The following LRMDA variants were observed in gnomAD, a reference collection of about 807,000 sequenced individuals.
LRMDA encodes the protein leucine rich melanocyte differentiation associated.
In LRMDA, 18 loss-of-function variants were observed where a neutral mutation model predicts 29.8. That is an observed-to-expected ratio of 0.60 (90% confidence interval 0.42 to 0.90). The LOEUF is 0.90. Ranked by LOEUF, LRMDA falls within the 40% of genes least tolerant of loss-of-function variation. LRMDA has a pLI of 0.00. For missense variants in LRMDA, 273 were observed against 273.9 expected (o/e 1.00, Z 0.02); for synonymous variants, 125 against 109.4 (o/e 1.14, Z -0.89).
rs147641635 is a variant in LRMDA at position 75,933,935 on chromosome 10, T to G, written c.132-102073T>G. Reference sequence around the variant, plus strand: ...CAGCCATGTCCAGCTGTAAAGGTAATATACTGCACAGCTGTAAACAGCATC... The same window carrying G: ...CAGCCATGTCCAGCTGTAAAGGTAAGATACTGCACAGCTGTAAACAGCATC... On this transcript the variant is annotated intron_variant, in intron 2 of 6. Coordinates refer to ENST00000611255, the MANE Select transcript of LRMDA (RefSeq NM_001305581.2). 3.9e-3 allele frequency among the ~76,000 whole-genome samples: 589 copies of G among 152,312 alleles called. 4 individuals are homozygous for G. Among genetic ancestry groups the G allele is most frequent in the Middle Eastern group, 0.014 (4 of 294 alleles).
At chr10:76,080,643 G>A (rs139599379) in intron 5 of LRMDA, among the ~76,000 whole-genome samples, 4 of 152,334 alleles carry the variant, frequency 2.6e-5, no homozygotes, top group Non-Finnish European at 5.9e-5. Context: ...TGTCTCAGGA[G>A]CTGACTCATG....
At chr10:75,943,155 T>C (rs2132411983) in intron 2 of LRMDA, among the ~76,000 whole-genome samples, 1 of 149,734 alleles carries the variant, frequency 6.7e-6, no homozygotes, top group East Asian at 2.0e-4. Flanking sequence ...CACCCACTGA[T>C]GTTTTCAGCA....
intron 6 of LRMDA, among the ~76,000 whole-genome samples, chr10:76,377,396 AT>A (rs1208965380): frequency 9.2e-5 from 14 of 152,088 alleles, no homozygotes; most frequent in Admixed American, 2.0e-4. Flanking sequence ...AAGCTTTTTA[AT>A]TAAATCCCAT....
chr10:75,805,498 G>A (rs899487487), intron 2 of LRMDA, among the ~76,000 whole-genome samples: 3 of 152,180 alleles, frequency 2.0e-5, no homozygotes, highest in African/African-American at 7.2e-5. Context: ...CCTGAGTTGG[G>A]CAATGAATTT....
In LRMDA at chr10:75,956,420, T is replaced by C. The variant is rs977277664; in HGVS notation, c.132-79588T>C. Among the ~76,000 whole-genome samples, 9 of 152,314 alleles carry C rather than the reference T, an allele frequency of 5.9e-5. No individual in the cohort carries two copies. The East Asian group carries it at 1.7e-3, about 29-fold the overall frequency. On this transcript the variant is annotated intron_variant, in intron 2 of 6. Coordinates refer to ENST00000611255, the MANE Select transcript of LRMDA (RefSeq NM_001305581.2). ...CTCTCATTTGTCCTCATTCTGGGCA[T>C]TCAAATGGGGCTGGTGTCAGCTACA...
At chr10:75,495,866 G>A (rs961227767) in intron 2 of LRMDA, among the ~76,000 whole-genome samples, 4 of 152,222 alleles carry the variant, frequency 2.6e-5, no homozygotes, top group African/African-American at 9.6e-5. Context: ...TGGTCCCCAA[G>A]CTCTAGGAAA....
intron 2 of LRMDA, among the ~76,000 whole-genome samples, chr10:75,906,417 C>A (rs143300995): frequency 7.9e-4 from 120 of 152,306 alleles, no homozygotes; most frequent in African/African-American, 2.9e-3. Flanking sequence ...GGTGAGGTAT[C>A]TTGCTTGTGG....
intron 2 of LRMDA, among the ~76,000 whole-genome samples, chr10:75,590,773 T>C (rs1479269873): frequency 9.9e-6 from 1 of 101,190 alleles, no homozygotes; most frequent in Non-Finnish European, 1.9e-5. Context: ...TTTTTTGAGA[T>C]GGAATCTTGC....
chr10:75,845,455 A>G (rs1827029130), intron 2 of LRMDA, among the ~76,000 whole-genome samples: 1 of 152,180 alleles, frequency 6.6e-6, no homozygotes, highest in East Asian at 1.9e-4. Context: ...TATGCCGGCA[A>G]CACATCCTGT....
chr10:76,490,358 T>C (rs1842821284), intron 6 of LRMDA, among the ~76,000 whole-genome samples: 1 of 151,994 alleles, frequency 6.6e-6, no homozygotes, highest in Non-Finnish European at 1.5e-5. Context: ...ATCTGTCCAA[T>C]GATGAAAGTG....
intron 6 of LRMDA, among the ~76,000 whole-genome samples, chr10:76,503,814 C>A (rs576361807): frequency 1.1e-4 from 17 of 148,416 alleles, no homozygotes; most frequent in Non-Finnish European, 2.2e-4. Flanking sequence ...TGGATTTTTG[C>A]ATTTCAATTT....
intron 6 of LRMDA, among the ~76,000 whole-genome samples, chr10:76,447,475 T>C (rs1346928513): frequency 6.6e-6 from 1 of 152,188 alleles, no homozygotes; most frequent in Non-Finnish European, 1.5e-5. Context: ...TCTTTAAAAA[T>C]AAACCTTTAA....
chr10:75,583,972 TCCC>T (rs936464173), intron 2 of LRMDA, among the ~76,000 whole-genome samples: 1 of 152,056 alleles, frequency 6.6e-6, no homozygotes, highest in African/African-American at 2.4e-5. Flanking sequence ...ATGTGGTCAT[TCCC>T]CTTCCCAGCC....
intron 5 of LRMDA, among the ~76,000 whole-genome samples, chr10:76,102,847 G>A (rs1385169411): frequency 2.0e-5 from 3 of 152,080 alleles, no homozygotes; most frequent in Admixed American, 6.6e-5. Flanking sequence ...TAGAGATAGG[G>A]TCCTCTGTTG....
rs536866299 is a variant in LRMDA, at chr10:76,387,410, G to A, written c.601+62925G>A. On this transcript the variant is annotated intron_variant, in intron 6 of 6. Coordinates refer to ENST00000611255, the MANE Select transcript of LRMDA (RefSeq NM_001305581.2). The stretch of plus-strand genomic sequence containing the variant: ...GAGCCCAGGAGTTTGAGACCAGCCC[G>A]GGCAATATGGCAAAACCCTGTCTCT... Among the ~76,000 whole-genome samples the A allele has an allele frequency of 5.9e-5, 9 of 152,118 alleles. 1 individual carries two copies. In the South Asian group the frequency reaches 1.9e-3, roughly 32 times the overall value.
At chr10:75,775,878 G>T (rs1843305126) in intron 2 of LRMDA, among the ~76,000 whole-genome samples, 1 of 152,188 alleles carries the variant, frequency 6.6e-6, no homozygotes, top group Non-Finnish European at 1.5e-5. Context: ...GCAGGCCTTG[G>T]GGATGCTGAC....
At chr10:75,469,502 C>A (rs1844700500) in intron 2 of LRMDA, among the ~76,000 whole-genome samples, 1 of 152,052 alleles carries the variant, frequency 6.6e-6, no homozygotes, top group African/African-American at 2.4e-5. Context: ...TGACTGATTT[C>A]ATCCTGCATT....
intron 2 of LRMDA, among the ~76,000 whole-genome samples, chr10:75,691,121 TATACATA>T (rs1230983642): frequency 0.085 from 7,482 of 87,510 alleles, 1,092 homozygotes; most frequent in African/African-American, 0.36. Context: ...TATATATCTA[TATACATA>T]GATATATAGA....
intron 5 of LRMDA, among the ~76,000 whole-genome samples, chr10:76,095,329 C>T (rs1019248306): frequency 2.6e-5 from 4 of 152,122 alleles, no homozygotes; most frequent in East Asian, 1.9e-4. Flanking sequence ...TTTTTATTGC[C>T]GAGCAGTTTT....
Sources: gnomAD v4.1 joint callset for allele counts (sites outside exome capture counted in the v4.1 genomes callset) on GRCh38, gnomAD v4.1.1 for gene constraint, MANE v1.5 for transcripts, NCBI Gene and HGNC (gene_info 2026-07-23, HGNC 2026-07-21) for gene names.